Variants in CFAP53 observed in about 807,000 individuals in gnomAD.
CFAP53 encodes cilia and flagella associated protein 53.
In CFAP53, 62 loss-of-function variants were observed where a neutral mutation model predicts 59.7. That is an observed-to-expected ratio of 1.04 (90% CI 0.85 to 1.28). CFAP53 has a LOEUF of 1.28. CFAP53 is among the 50% of genes most tolerant of loss of function. CFAP53 has a pLI of 0.00. For synonymous variants in CFAP53, 218 were observed against 205.7 expected, an observed-to-expected ratio of 1.06 and a Z score of -0.51; for missense variants, 629 against 615.6, an observed-to-expected ratio of 1.02 and a Z score of -0.23.
chr18:50,232,604 G>T (rs1328129609), intron 7 of CFAP53, among the ~76,000 whole-genome samples: 1 of 152,218 alleles, frequency 6.6e-6, no homozygotes, highest in Non-Finnish European at 1.5e-5. Flanking sequence ...AAAAAAGACT[G>T]CCCTGATGAT....
intron 3 of CFAP53, chr18:50,256,428 C>T (rs1459255161): frequency 6.6e-6 from 1 of 152,200 alleles, no homozygotes; most frequent in Non-Finnish European, 1.5e-5. Context: ...AGACAAATCC[C>T]TACCTGTAGA....
chr18:50,250,160 A>C (rs557891645), intron 5 of CFAP53, among the ~76,000 whole-genome samples: 1 of 151,484 alleles, frequency 6.6e-6, no homozygotes, highest in South Asian at 2.1e-4. Flanking sequence ...GCGAGGCTAC[A>C]GTGAGCCATG....
chr18:50,239,328 TG>T (rs1262611280), intron 6 of CFAP53, among the ~76,000 whole-genome samples: 9 of 151,782 alleles, frequency 5.9e-5, no homozygotes, highest in African/African-American at 2.2e-4. Flanking sequence ...CATTCCAGCC[TG>T]GGCAACAGAG....
intron 7 of CFAP53, 24 bp downstream of exon 7, chr18:50,238,579 A>T: frequency 6.4e-7 from 1 of 1,553,910 alleles, no homozygotes; most frequent in Non-Finnish European, 8.9e-7. Context: ...GTAGCAAATG[A>T]TGATACAGAA....
chr18:50,229,939 T>C (rs1013510828), intron 7 of CFAP53, among the ~76,000 whole-genome samples: 21 of 151,970 alleles, frequency 1.4e-4, no homozygotes, highest in Non-Finnish European at 2.2e-4. Context: ...TTGTATTTTT[T>C]TAGAGACAGA....
chr18:50,248,709 C>T (rs866454327), intron 5 of CFAP53, among the ~76,000 whole-genome samples: 3 of 150,438 alleles, frequency 2.0e-5, no homozygotes, highest in Non-Finnish European at 4.4e-5. Context: ...CACTTGAACC[C>T]GGGAGGTGGA....
intron 7 of CFAP53, among the ~76,000 whole-genome samples, chr18:50,229,281 T>C (rs949868831): frequency 1.3e-5 from 2 of 152,190 alleles, no homozygotes; most frequent in Non-Finnish European, 2.9e-5. Context: ...TTCTACTTTA[T>C]GTTTCTATAA....
At chr18:50,234,664 C>T (rs568770532) in intron 7 of CFAP53, among the ~76,000 whole-genome samples, 34 of 152,204 alleles carry the variant, frequency 2.2e-4, no homozygotes, top group South Asian at 2.1e-4. Context: ...ACTATAGTTG[C>T]AGCAATACCT....
intron 3 of CFAP53, among the ~76,000 whole-genome samples, chr18:50,257,566 T>C (rs903185915): frequency 1.3e-5 from 2 of 152,126 alleles, no homozygotes; most frequent in African/African-American, 4.8e-5. Flanking sequence ...AAGTGAAAGA[T>C]CTCTACAATG....
chr18:50,234,428 C>A (rs1383179290), intron 7 of CFAP53, among the ~76,000 whole-genome samples: 1 of 152,160 alleles, frequency 6.6e-6, no homozygotes, highest in Non-Finnish European at 1.5e-5. Context: ...AACTTTCCTC[C>A]CTTATGCATG....
At chr18:50,257,829 A>T (rs1325354455) in intron 3 of CFAP53, among the ~76,000 whole-genome samples, 1 of 152,340 alleles carries the variant, frequency 6.6e-6, no homozygotes, top group East Asian at 1.9e-4. Context: ...TAGGAGTTCG[A>T]CACCAGCCTG....
At chr18:50,250,219 CAAAA>C (rs58912526) in intron 5 of CFAP53, among the ~76,000 whole-genome samples, 15 of 117,620 alleles carry the variant, frequency 1.3e-4, no homozygotes, top group Non-Finnish European at 1.6e-4. Flanking sequence ...ACCCCTGTCT[CAAAA>C]AAAAAAAAAA....
intron 5 of CFAP53, among the ~76,000 whole-genome samples, chr18:50,246,542 TC>T (rs1311963696): frequency 5.3e-4 from 80 of 152,292 alleles, no homozygotes; most frequent in African/African-American, 1.8e-3. Context: ...AAGAAGTACA[TC>T]TTTGTGATCC....
intron 5 of CFAP53, among the ~76,000 whole-genome samples, chr18:50,247,536 GC>G (rs2033756697): frequency 6.6e-6 from 1 of 152,190 alleles, no homozygotes; most frequent in African/African-American, 2.4e-5. Context: ...ATTCATGATA[GC>G]CAAAAAGTGG....
At chr18:50,253,637 A>C (rs1275082482) in intron 3 of CFAP53, among the ~76,000 whole-genome samples, 1 of 152,254 alleles carries the variant, frequency 6.6e-6, no homozygotes, top group Non-Finnish European at 1.5e-5. Flanking sequence ...AATGAACATT[A>C]CTGCAAATTT....
intron 7 of CFAP53, among the ~76,000 whole-genome samples, chr18:50,227,942 T>A (rs905471799): frequency 7.1e-6 from 1 of 140,788 alleles, no homozygotes; most frequent in Non-Finnish European, 1.5e-5. Context: ...AACTGCTCAA[T>A]TCAACTTTTC....
chr18:50,251,068 C>A, intron 4 of CFAP53, 92 bp from the exon 5 acceptor site: 1 of 1,038,186 alleles, frequency 9.6e-7, no homozygotes, highest in Non-Finnish European at 1.5e-6. Flanking sequence ...TAAAGGATTT[C>A]TGGAAATACA....
At chr18:50,232,403 A>G (rs1457106006) in intron 7 of CFAP53, among the ~76,000 whole-genome samples, 1 of 152,262 alleles carries the variant, frequency 6.6e-6, no homozygotes. Context: ...AAAAATGCAG[A>G]GGCAAGAGAC....
intron 2 of CFAP53, 118 bp downstream of exon 2, chr18:50,261,872 G>A: frequency 4.4e-6 from 3 of 675,480 alleles, no homozygotes; most frequent in Non-Finnish European, 7.6e-6. Context: ...CAATAGCTAT[G>A]GATTTAATAT....
Sources: allele counts gnomAD v4.1 joint callset (sites outside exome capture counted in the v4.1 genomes callset), GRCh38; gene constraint gnomAD v4.1.1; transcripts MANE v1.5; gene names NCBI Gene and HGNC (gene_info 2026-07-23, HGNC 2026-07-21).